The following MINK1 variants were observed in gnomAD, a reference collection of about 807,000 sequenced individuals.
The protein encoded by MINK1 is misshapen like kinase 1.
A neutral mutation model predicts 178.4 loss-of-function variants in MINK1; 46 were observed. The ratio of observed to expected loss-of-function variants is 0.26; its 90% CI spans 0.20 to 0.33. The LOEUF (loss-of-function observed/expected upper bound fraction) is 0.33, where lower values mean the gene tolerates loss of function less well. Ranked by LOEUF, MINK1 falls within the 10% of genes least tolerant of loss-of-function variation. The pLI is 1.00. For synonymous variants in MINK1, 797 were observed against 709.7 expected (o/e 1.12, Z -1.96); for missense variants, 1,366 against 1,814.9 (o/e 0.75, Z 4.49).
Position 4,885,402 on chromosome 17 carries a change from T to G in MINK1, c.509-81T>G. ...CAGGACCACAGCTGGCTCAGGCAAGTCCTGTGTGTGCACGCAGGGATGTGA... is the reference window on the plus strand; with the variant it reads ...CAGGACCACAGCTGGCTCAGGCAAGGCCTGTGTGTGCACGCAGGGATGTGA... On this transcript the variant is annotated intron_variant, in intron 6 of 31. Transcript: ENST00000355280. The surrounding 1 kb of genome is among the most constrained non-coding windows in gnomAD (Gnocchi z 5.0). The G allele has an allele frequency of 6.4e-7, 1 of 1,557,746 alleles. No individual in the cohort carries two copies. Among genetic ancestry groups the G allele is most frequent in the Non-Finnish European group, 8.8e-7 (1 of 1,142,726 alleles).
Position 4,892,731 on chromosome 17 carries a change from C to T in MINK1, c.2274C>T (p.Leu758=), listed in dbSNP as rs376540151. 4 of 1,611,634 alleles carry T rather than the reference C, an allele frequency of 2.5e-6. No individual in the cohort carries two copies. In the African/African-American group the frequency reaches 5.3e-5, roughly 22 times the overall value. ...DSVLPASHGH[L]PQAGSLERNR... ...TCCTTCCAGCCTCTCACGGGCACCTCCCCCAGGCTGGCTCACTGGAGCGGA... is the reference window on the plus strand; with the variant it reads ...TCCTTCCAGCCTCTCACGGGCACCTTCCCCAGGCTGGCTCACTGGAGCGGA... Residue 758 remains leucine (L), a synonymous_variant, in exon 19 of 32, where the codon CTC becomes CTT. Transcript: ENST00000355280.
intron 1 of MINK1, among the ~76,000 whole-genome samples, chr17:4,853,130 A>G (rs1029768001): frequency 1.4e-3 from 1 of 708 alleles, no homozygotes; most frequent in Non-Finnish European, 2.5e-3. Context: ...TGGTGGGGGG[A>G]GTGTGGTTGG....
At chr17:4,846,421 C>T (rs1237479754) in intron 1 of MINK1, among the ~76,000 whole-genome samples, 1 of 152,188 alleles carries the variant, frequency 6.6e-6, no homozygotes, top group African/African-American at 2.4e-5. Flanking sequence ...CAGTCTAAAG[C>T]GTACTTTTTT....
At chr17:4,866,659 C>A (rs116818090) in intron 1 of MINK1, among the ~76,000 whole-genome samples, 1 of 151,630 alleles carries the variant, frequency 6.6e-6, no homozygotes, top group Non-Finnish European at 1.5e-5. Context: ...CCTGTAGTCC[C>A]GGCTACTTGG....
At position 4,895,181 on chromosome 17, in the gene MINK1, C is replaced by G. The variant is rs2151071467; in HGVS notation, c.3024C>G (p.Thr1008=). Residue 1008 remains threonine (T), a synonymous_variant, in exon 25 of 32, where the codon ACC becomes ACG. Transcript: ENST00000355280. The surrounding 1 kb of genome is among the most constrained non-coding windows in gnomAD (Gnocchi z 4.3). The part of the protein sequence containing the change: ...NPTNTRAHSE[T]PEIRKYKKRF... ...CCAACACCCGGGCCCACAGTGAGAC[C>G]CCTGAGATCCGGAAGTACAAGAAGC... 6.2e-7 allele frequency: 1 copy of G among 1,614,068 alleles called. No homozygotes were observed. The highest frequency in any genetic ancestry group is 1.7e-5 in the Admixed American group (1 of 60,008).
chr17:4,892,916 G>A (rs1419791412), intron 19 of MINK1, 63 bp from the exon 20 acceptor site: 6 of 1,454,006 alleles, frequency 4.1e-6, no homozygotes, highest in Non-Finnish European at 5.7e-6. Context: ...TGGGGCTCAG[G>A]GTGTGGGCTT....
rs752103090 is a variant in MINK1 at position 4,892,680 on chromosome 17, C to A, written c.2223C>A (p.Asp741Glu). The A allele has an allele frequency of 2.5e-6, 4 of 1,610,610 alleles. No individual in the cohort carries two copies. In the African/African-American group the frequency reaches 5.3e-5, roughly 22 times the overall value. ...GTAACCCCGACCTCAGGAGGAGCGA[C>A]CCTGGCTGGGAACGCTCGGACAGCG... ...ASSNPDLRRS[D>E]PGWERSDSVL... Residue 741 changes from aspartate (D) to glutamate (E), a missense_variant, in exon 19 of 32, where the codon GAC becomes GAA. Asp to Glu is a conservative substitution (Grantham distance 45). Around this residue, in one of 14 missense-constraint regions of MINK1, gnomAD observed 709 missense variants for 692.3 expected, o/e 1.02. Transcript: ENST00000355280.
intron 1 of MINK1, among the ~76,000 whole-genome samples, chr17:4,851,732 G>A (rs35415738): frequency 0.67 from 102,480 of 151,948 alleles, 35,663 homozygotes; most frequent in Non-Finnish European, 0.75. Flanking sequence ...CGTGCGTGGT[G>A]GCTCACGCCT....
chr17:4,887,212 G>A lies in MINK1; in HGVS notation c.1019+33G>A, dbSNP rs1012709609. 7 of 1,567,284 alleles carry A rather than the reference G, an allele frequency of 4.5e-6. No homozygotes were observed. The highest frequency in any genetic ancestry group is 2.7e-5 in the African/African-American group (2 of 73,932). ...TGGCAGGTGGAGTGGGGGTTGGGGCGGTCATCGCTGAGTGGGGGGACTACA... is the reference window on the plus strand; with the variant it reads ...TGGCAGGTGGAGTGGGGGTTGGGGCAGTCATCGCTGAGTGGGGGGACTACA... On this transcript the variant is annotated intron_variant, in intron 11 of 31. Coordinates refer to ENST00000355280, the MANE Select transcript of MINK1 (RefSeq NM_153827.5). This position sits in a 1 kb window ranked among gnomAD's most constrained non-coding sequence, Gnocchi z 7.6.
At position 4,894,335 on chromosome 17, in the gene MINK1, G is replaced by T. The variant is rs113907415; in HGVS notation, c.2808+24G>T. ...ACGTAAGTGGGCCGGAGGCAGGTCC[G>T]CCGGGAGAGAAGAGCCCTGGCGATG... On this transcript the variant is annotated intron_variant, in intron 23 of 31. Coordinates refer to ENST00000355280, the MANE Select transcript of MINK1 (RefSeq NM_153827.5). The surrounding 1 kb of genome is among the most constrained non-coding windows in gnomAD (Gnocchi z 4.1). The T allele has an allele frequency of 6.2e-7, 1 of 1,605,706 alleles. No homozygotes were observed. Among genetic ancestry groups the T allele is most frequent in the South Asian group, 1.1e-5 (1 of 89,348 alleles).
chr17:4,860,090 T>C (rs1913920806), intron 1 of MINK1, among the ~76,000 whole-genome samples: 2 of 152,082 alleles, frequency 1.3e-5, no homozygotes, highest in South Asian at 4.1e-4. Flanking sequence ...ACTTGCCGCA[T>C]GCGGAGCGGG....
At chr17:4,878,257 C>G in intron 1 of MINK1, 60 bp from the exon 2 acceptor site, 1 of 1,469,944 alleles carries the variant, frequency 6.8e-7, no homozygotes, top group Non-Finnish European at 9.2e-7. Flanking sequence ...TTACCCCCCT[C>G]TAGCTCTGTA....
chr17:4,885,577 C>T lies in MINK1; in HGVS notation c.603C>T (p.Ala201=), dbSNP rs1340715211. 2 of 1,613,848 alleles carry T rather than the reference C, an allele frequency of 1.2e-6. No individual in the cohort carries two copies. Among genetic ancestry groups the T allele is most frequent in the African/African-American group, 2.7e-5 (2 of 74,904 alleles). The change falls in exon 7 of 32, where the codon GCC becomes GCT. Residue 201 remains alanine, a synonymous_variant. Coordinates refer to ENST00000355280, the MANE Select transcript of MINK1 (RefSeq NM_153827.5). This position sits in a 1 kb window ranked among gnomAD's most constrained non-coding sequence, Gnocchi z 5.0. Reference sequence around the variant, plus strand: ...ACTGGATGGCTCCAGAGGTCATCGCCTGTGATGAGAACCCTGATGCCACCT... The same window carrying T: ...ACTGGATGGCTCCAGAGGTCATCGCTTGTGATGAGAACCCTGATGCCACCT... The part of the protein sequence containing the change: ...TPYWMAPEVI[A]CDENPDATYD...
chr17:4,861,917 C>T (rs1399175564), intron 1 of MINK1, among the ~76,000 whole-genome samples: 1 of 152,198 alleles, frequency 6.6e-6, no homozygotes, highest in African/African-American at 2.4e-5. Flanking sequence ...CCCACATGCT[C>T]ACTATGCGAC....
rs934500034 is a variant in MINK1 at position 4,893,074 on chromosome 17, C to T, written c.2400+7C>T. 12 of 1,556,092 alleles carry T rather than the reference C, an allele frequency of 7.7e-6. No individual in the cohort carries two copies. In the Admixed American group the frequency reaches 1.8e-4, roughly 23 times the overall value. Reference sequence around the variant, plus strand: ...ACGGCCAGGCCGGCCCGCAGTGAGTCACCTGGTGGCAGGCATGGCCTGCCT... The same window carrying T: ...ACGGCCAGGCCGGCCCGCAGTGAGTTACCTGGTGGCAGGCATGGCCTGCCT... On this transcript the variant is annotated splice_region_variant and intron_variant, in intron 20 of 31. Coordinates refer to ENST00000355280, the MANE Select transcript of MINK1 (RefSeq NM_153827.5).
At chr17:4,873,593 G>C (rs978601912) in intron 1 of MINK1, among the ~76,000 whole-genome samples, 1 of 149,596 alleles carries the variant, frequency 6.7e-6, no homozygotes, top group Admixed American at 6.7e-5. Context: ...ACACAGCATG[G>C]TCTTCGCCAC....
In MINK1 at chr17:4,875,113, C is replaced by T. The variant is rs763817703; in HGVS notation, c.58-3204C>T. On this transcript the variant is annotated intron_variant, in intron 1 of 31. Transcript: ENST00000355280. The stretch of plus-strand genomic sequence containing the variant: ...TTCGCAGCAGTCAGTTCAGACGCCC[C>T]GGAATGGATGAGTTCTTCTGTTGGG... The T allele has an allele frequency of 2.3e-5, 12 of 519,916 alleles. No homozygotes were observed. In the East Asian group the frequency reaches 4.4e-4, roughly 19 times the overall value. 32.2% of individuals were successfully genotyped at this position (519,916 alleles called of 1,614,324 possible).
At chr17:4,890,081 C>T in intron 13 of MINK1, 1 of 487,262 alleles carries the variant, frequency 2.1e-6, no homozygotes, top group Non-Finnish European at 3.6e-6. Context: ...ATCCCCTCCC[C>T]TACCTCTCTC....
chr17:4,865,350 C>G (rs1914783414), intron 1 of MINK1, among the ~76,000 whole-genome samples: 1 of 152,160 alleles, frequency 6.6e-6, no homozygotes, highest in South Asian at 2.1e-4. Flanking sequence ...AGGAGAATCC[C>G]TTGAACCCGG....
Sources: gnomAD v4.1 joint callset for allele counts (sites outside exome capture counted in the v4.1 genomes callset) on GRCh38, gnomAD v4.1.1 for gene constraint, gnomAD v4.1.1 regional missense constraint, Gnocchi (gnomAD v3.1) non-coding constraint, MANE v1.5 for transcripts, NCBI Gene and HGNC (gene_info 2026-07-23, HGNC 2026-07-21) for gene names.